Variants in LRRK2 observed in about 807,000 individuals in gnomAD.
The protein encoded by LRRK2 is leucine-rich repeat serine/threonine-protein kinase 2.
A neutral mutation model predicts 302.6 loss-of-function variants in LRRK2; 203 were observed. That is an observed-to-expected ratio of 0.67 (90% confidence interval 0.60 to 0.75). The LOEUF (loss-of-function observed/expected upper bound fraction) is 0.75, where lower values mean the gene tolerates loss of function less well. Ranked by LOEUF, LRRK2 falls within the 30% of genes least tolerant of loss-of-function variation. The pLI, the probability that LRRK2 is intolerant of heterozygous loss-of-function variation, is 0.00. For missense variants in LRRK2, 2,830 were observed against 2,951.0 expected (o/e 0.96, Z 0.95); for synonymous variants, 1,066 against 1,031.9 (o/e 1.03, Z -0.63).
chr12:40,309,674 T>C (rs546171374), intron 30 of LRRK2, among the ~76,000 whole-genome samples: 1 of 152,256 alleles, frequency 6.6e-6, no homozygotes, highest in Admixed American at 6.5e-5. Flanking sequence ...TATTATGCTG[T>C]TACATCTGGA....
intron 4 of LRRK2, 79 bp downstream of exon 4, chr12:40,235,793 GTTTTT>G (rs36024911): frequency 0.016 from 7,564 of 463,850 alleles, 152 homozygotes; most frequent in Admixed American, 0.16. Context: ...GTGTGTGTGT[GTTTTT>G]TTTTTTTTTT....
In LRRK2 at chr12:40,340,366, C is replaced by CA; in HGVS notation, c.6023dup (p.Asn2008LysfsTer10). ...ATGTGCTGCTTTTCACACTGTATCC[C>CA]AATGCTGCCATCATTGCAAAGATTG... On this transcript the variant is annotated frameshift_variant, in exon 41 of 51. Coordinates refer to ENST00000298910, the MANE Select transcript of LRRK2 (RefSeq NM_198578.4). LOFTEE classifies it high-confidence loss of function. The CA allele has an allele frequency of 6.2e-7, 1 of 1,613,782 alleles. No individual in the cohort carries two copies. Among genetic ancestry groups the CA allele is most frequent in the Non-Finnish European group, 8.5e-7 (1 of 1,179,824 alleles).
At chr12:40,286,955 T>C (rs1296858051) in intron 19 of LRRK2, among the ~76,000 whole-genome samples, 1 of 152,032 alleles carries the variant, frequency 6.6e-6, no homozygotes, top group Non-Finnish European at 1.5e-5. Context: ...AATTACTCTT[T>C]TTCATCACCA....
Position 40,275,078 on chromosome 12 carries a change from A to G in LRRK2, c.1941+85A>G, listed in dbSNP as rs1943392704. 12 of 1,417,756 alleles carry G rather than the reference A, an allele frequency of 8.5e-6. No individual in the cohort carries two copies. In the Admixed American group the frequency reaches 1.8e-4, roughly 22 times the overall value. The allele number at this position is 1,417,756 out of a possible 1,614,324, so 87.8% of individuals were successfully genotyped here. ...TTTGTGTAATTCCCACTTTGCATGA[A>G]TGGGGTATTCTAGTTAATGGAAAAC... is the stretch of plus-strand genomic sequence containing the variant. On this transcript the variant is annotated intron_variant, in intron 16 of 50. Coordinates refer to ENST00000298910, the MANE Select transcript of LRRK2 (RefSeq NM_198578.4).
chr12:40,292,130 C>T (rs1178316047), intron 20 of LRRK2, among the ~76,000 whole-genome samples: 1 of 152,026 alleles, frequency 6.6e-6, no homozygotes, highest in Non-Finnish European at 1.5e-5. Context: ...TCTCTATCTC[C>T]TCATCTCAGG....
chr12:40,347,017 C>T lies in LRRK2; in HGVS notation c.6280+94C>T, dbSNP rs1182389695. 14 of 961,560 alleles carry T rather than the reference C, an allele frequency of 1.5e-5. 1 individual carries two copies. The South Asian group carries it at 2.3e-4, about 16-fold the overall frequency. The allele number at this position is 961,560 out of a possible 1,614,324, so 59.6% of individuals were successfully genotyped here. A position where few individuals can be genotyped will look rare whatever the true frequency, so the allele number is the denominator to read the frequency against. On this transcript the variant is annotated intron_variant, in intron 42 of 50. Transcript: ENST00000298910. Reference sequence around the variant, plus strand: ...GTAGTTGTATGCTTAATTCCTTAAACAGATGATCATTTTTTTTGTTTAGTG... The same window carrying T: ...GTAGTTGTATGCTTAATTCCTTAAATAGATGATCATTTTTTTTGTTTAGTG...
At chr12:40,340,538 G>A in intron 41 of LRRK2, 84 bp downstream of exon 41, 1 of 1,370,904 alleles carries the variant, frequency 7.3e-7, no homozygotes, top group Non-Finnish European at 1.0e-6. Flanking sequence ...GAGTCAAAAG[G>A]AAAACAGAGT....
chr12:40,237,930 C>A, intron 4 of LRRK2, 39 bp from the exon 5 acceptor site: 1 of 1,587,866 alleles, frequency 6.3e-7, no homozygotes, highest in South Asian at 1.1e-5. Flanking sequence ...AATGTTAAAG[C>A]AGCTCTTTAC....
intron 18 of LRRK2, among the ~76,000 whole-genome samples, chr12:40,281,122 C>CA (rs1332493353): frequency 2.0e-5 from 3 of 150,054 alleles, no homozygotes; most frequent in South Asian, 2.1e-4. Flanking sequence ...AACAAACAAA[C>CA]AAAAAACCAA....
At chr12:40,331,373 C>T (rs1000589858) in intron 39 of LRRK2, among the ~76,000 whole-genome samples, 5 of 152,272 alleles carry the variant, frequency 3.3e-5, no homozygotes, top group African/African-American at 1.2e-4. Flanking sequence ...TGAGACCATA[C>T]CTGCCAAAGG....
Position 40,293,608 on chromosome 12 carries a change from G to C in LRRK2, c.2753G>C (p.Arg918Pro). ...SNSISVGEFY[R>P]DAVLQRCSPN... ...TCAATTAGTGTAGGAGAATTTTACC[G>C]AGATGCCGTATTACAGCGTTGCTCA... Residue 918 changes from arginine (R) to proline (P), a missense_variant, in exon 21 of 51, where the codon CGA becomes CCA. Around this residue, in one of 3 missense-constraint regions of LRRK2, gnomAD observed 2,121 missense variants for 2,148.0 expected, o/e 0.99. Transcript: ENST00000298910. The C allele has an allele frequency of 6.2e-7, 1 of 1,611,576 alleles. No homozygotes were observed.
At chr12:40,347,719 T>G (rs1946233773) in intron 42 of LRRK2, among the ~76,000 whole-genome samples, 1 of 152,216 alleles carries the variant, frequency 6.6e-6, no homozygotes, top group Non-Finnish European at 1.5e-5. Context: ...TCCCAGCACT[T>G]TGGGAGGCCC....
At chr12:40,326,431 A>C (rs1207831981) in intron 38 of LRRK2, among the ~76,000 whole-genome samples, 4 of 148,634 alleles carry the variant, frequency 2.7e-5, no homozygotes, top group Non-Finnish European at 5.9e-5. Context: ...GCGCCACTGC[A>C]CTCCAGCCCG....
rs765758220 is a variant in LRRK2 at position 40,302,868 on chromosome 12, T to G, written c.3576T>G (p.Ile1192Met). Residue 1192 changes from isoleucine (I) to methionine (M), a missense_variant, in exon 26 of 51, where the codon ATT becomes ATG. Ile to Met is a conservative substitution (Grantham distance 10, BLOSUM62 1). Transcript: ENST00000298910. Reference protein sequence around the residue: ...QNKFSCIPEAILNLPHLRSLD... With the variant: ...QNKFSCIPEAMLNLPHLRSLD... ...AATTTTCCTGTATTCCAGAAGCAAT[T>G]TTAAATCTTCCACAGTAAGTTTATT... The G allele has an allele frequency of 6.9e-6, 11 of 1,585,930 alleles. No homozygotes were observed. Among genetic ancestry groups the G allele is most frequent in the Non-Finnish European group, 9.5e-6 (11 of 1,154,804 alleles).
intron 6 of LRRK2, among the ~76,000 whole-genome samples, chr12:40,241,094 G>C (rs569064587): frequency 9.2e-5 from 14 of 152,358 alleles, no homozygotes; most frequent in African/African-American, 3.4e-4. Flanking sequence ...AGAGAGAGCA[G>C]ACTGCCTTCA....
chr12:40,233,600 C>A lies in LRRK2; in HGVS notation c.347+1217C>A, dbSNP rs537166828. ...ATCTCTGTAATTCTATGTATCAGTT[C>A]TAAAGTATACAGCATTTGATGAGGA... On this transcript the variant is annotated intron_variant, in intron 3 of 50. Coordinates refer to ENST00000298910, the MANE Select transcript of LRRK2 (RefSeq NM_198578.4). 6.7e-4 allele frequency among the ~76,000 whole-genome samples: 102 copies of A among 152,212 alleles called. 1 individual carries two copies. Among genetic ancestry groups the A allele is most frequent in the African/African-American group, 2.4e-3 (100 of 41,520 alleles).
chr12:40,247,116 G>GA (rs1283955283), intron 7 of LRRK2, among the ~76,000 whole-genome samples: 1 of 151,898 alleles, frequency 6.6e-6, no homozygotes. Context: ...TTAATCATTT[G>GA]AAAAAACTAA....
chr12:40,319,762 C>T (rs778851201), intron 33 of LRRK2, among the ~76,000 whole-genome samples: 1 of 147,986 alleles, frequency 6.8e-6, no homozygotes, highest in Non-Finnish European at 1.5e-5. Flanking sequence ...ATTTCCTATC[C>T]GAATTAACTC....
intron 33 of LRRK2, among the ~76,000 whole-genome samples, chr12:40,318,235 G>T (rs976898566): frequency 4.6e-5 from 7 of 151,998 alleles, no homozygotes; most frequent in Admixed American, 1.3e-4. Context: ...AAAGGGGAAG[G>T]AAAAGAGACT....
Sources: allele counts gnomAD v4.1 joint callset (sites outside exome capture counted in the v4.1 genomes callset), GRCh38; gene constraint gnomAD v4.1.1; regional missense constraint gnomAD v4.1.1; transcripts MANE v1.5; gene names NCBI Gene and HGNC (gene_info 2026-07-23, HGNC 2026-07-21).